The following UGGT2 variants were observed in gnomAD, a reference collection of about 807,000 sequenced individuals.
The protein encoded by UGGT2 is UDP-glucose glycoprotein glucosyltransferase 2, also known as UDP-glucose:glycoprotein glucosyltransferase 2.
Under a neutral mutation model 192.1 loss-of-function variants are expected in UGGT2, and 180 were observed. The observed-to-expected ratio is 0.94, with a 90% CI of 0.83 to 1.06. The LOEUF (loss-of-function observed/expected upper bound fraction) is 1.06. Among genes scored for constraint, UGGT2 ranks in the 50% least tolerant of loss-of-function variants. The pLI, the probability that UGGT2 is intolerant of heterozygous loss-of-function variation, is 0.00. For synonymous variants in UGGT2, 580 were observed against 591.0 expected, an observed-to-expected ratio of 0.98 and a Z score of 0.27; for missense variants, 1,849 against 1,795.7, an observed-to-expected ratio of 1.03 and a Z score of -0.54.
intron 5 of UGGT2, among the ~76,000 whole-genome samples, chr13:96,007,436 T>C (rs186600219): frequency 1.3e-5 from 2 of 152,232 alleles, no homozygotes; most frequent in Non-Finnish European, 2.9e-5. Flanking sequence ...AACATAATAC[T>C]AGAAGCCTTA....
chr13:95,873,160 T>A (rs930089409), intron 29 of UGGT2, among the ~76,000 whole-genome samples: 1 of 152,338 alleles, frequency 6.6e-6, no homozygotes, highest in Non-Finnish European at 1.5e-5. Context: ...GCAAAGCAGT[T>A]TGCACAAAAT....
chr13:95,818,586 T>C (rs984286041), intron 38 of UGGT2, among the ~76,000 whole-genome samples: 2 of 151,926 alleles, frequency 1.3e-5, no homozygotes, highest in African/African-American at 4.8e-5. Flanking sequence ...AAGGGAAAGG[T>C]GGTCTGACAG....
At chr13:95,938,014 T>C (rs2049523965) in intron 16 of UGGT2, among the ~76,000 whole-genome samples, 1 of 152,180 alleles carries the variant, frequency 6.6e-6, no homozygotes, top group African/African-American at 2.4e-5. Context: ...ATATGTCTCA[T>C]GAGATCTGCT....
At chr13:95,987,197 T>C (rs547020154) in intron 8 of UGGT2, among the ~76,000 whole-genome samples, 3 of 152,260 alleles carry the variant, frequency 2.0e-5, no homozygotes, top group Non-Finnish European at 2.9e-5. Flanking sequence ...CTGAGTCCCA[T>C]ATTCAGCCCC....
intron 36 of UGGT2, among the ~76,000 whole-genome samples, chr13:95,851,566 TAG>T (rs1889043882): frequency 6.6e-6 from 1 of 152,078 alleles, no homozygotes; most frequent in Admixed American, 6.5e-5. Flanking sequence ...TAGAAGCCAA[TAG>T]AGAGTCAAGA....
chr13:95,983,393 C>A, intron 10 of UGGT2: 1 of 277,510 alleles, frequency 3.6e-6, no homozygotes, highest in Non-Finnish European at 7.1e-6. Context: ...TTTAAGATAC[C>A]ATTTGGCAGA....
At chr13:95,831,056 C>G (rs1353727910) in intron 38 of UGGT2, among the ~76,000 whole-genome samples, 1 of 151,800 alleles carries the variant, frequency 6.6e-6, no homozygotes, top group Non-Finnish European at 1.5e-5. Context: ...CCTGTCCTCA[C>G]TCATAGGTGG....
At chr13:95,887,842 C>G (rs1448880758) in intron 26 of UGGT2, 50 bp downstream of exon 26, 1 of 1,145,098 alleles carries the variant, frequency 8.7e-7, no homozygotes, top group Non-Finnish European at 1.3e-6. Context: ...TTTTTTTCTT[C>G]TCAGCATTTA....
intron 20 of UGGT2, among the ~76,000 whole-genome samples, chr13:95,904,228 A>G (rs530898269): frequency 1.4e-3 from 215 of 152,146 alleles, no homozygotes; most frequent in African/African-American, 4.7e-3. Context: ...CCTGATGGCT[A>G]CTGTGTTTTG....
At chr13:95,944,416 G>A (rs1287065981) in intron 15 of UGGT2, among the ~76,000 whole-genome samples, 1 of 151,968 alleles carries the variant, frequency 6.6e-6, no homozygotes, top group Non-Finnish European at 1.5e-5. Flanking sequence ...ATTGAGAAGT[G>A]GGTATATGAA....
chr13:95,958,956 C>T (rs534172341), intron 12 of UGGT2, among the ~76,000 whole-genome samples: 1 of 152,326 alleles, frequency 6.6e-6, no homozygotes, highest in South Asian at 2.1e-4. Context: ...ACAGAGGGAG[C>T]TACCTGGAGA....
At chr13:95,810,024 C>T (rs1884502562) in intron 38 of UGGT2, among the ~76,000 whole-genome samples, 2 of 152,172 alleles carry the variant, frequency 1.3e-5, no homozygotes, top group Non-Finnish European at 1.5e-5. Context: ...GACAACTTCA[C>T]AAAATTTTCA....
At chr13:96,022,465 T>G (rs990364668) in intron 4 of UGGT2, among the ~76,000 whole-genome samples, 2 of 151,854 alleles carry the variant, frequency 1.3e-5, no homozygotes, top group Non-Finnish European at 2.9e-5. Flanking sequence ...AACAAGTGAG[T>G]TAAGTATTAA....
In UGGT2 at chr13:95,807,716, C is replaced by CTTTTTTTTTTTTTTTTTTTTTTTTTTT; in HGVS notation, c.4529-5905_4529-5904insAAAAAAAAAAAAAAAAAAAAAAAAAAA. Among the ~76,000 whole-genome samples, 6 of 78,706 alleles carry CTTTTTTTTTTTTTTTTTTTTTTTTTTT rather than the reference C, an allele frequency of 7.6e-5. 1 individual carries two copies. The highest frequency in any genetic ancestry group is 1.5e-4 in the Non-Finnish European group (6 of 39,058). 51.6% of individuals were successfully genotyped at this position (78,706 alleles called of 152,430 possible). On this transcript the variant is annotated intron_variant, in intron 38 of 38. Coordinates refer to ENST00000376747, the MANE Select transcript of UGGT2 (RefSeq NM_020121.4). ...GTATCTTGAAACCCTCAGCCCTCAC[C>CTTTTTTTTTTTTTTTTTTTTTTTTTTT]TTTTTTTTTTTTTTTTTTTGCCGTA...
intron 10 of UGGT2, among the ~76,000 whole-genome samples, chr13:95,978,442 A>G (rs190308868): frequency 3.9e-5 from 6 of 152,268 alleles, no homozygotes; most frequent in Admixed American, 3.9e-4. Flanking sequence ...TGACTGTTGA[A>G]TAATCTGAAA....
At chr13:96,004,621 G>A (rs979667653) in intron 5 of UGGT2, among the ~76,000 whole-genome samples, 10 of 151,650 alleles carry the variant, frequency 6.6e-5, no homozygotes, top group African/African-American at 2.2e-4. Context: ...ATGCTGGTGC[G>A]CTGCACCCAC....
rs2049626061 is a variant in UGGT2 at position 95,940,326 on chromosome 13, A to G, written c.1678-235T>C. Among the ~76,000 whole-genome samples, 3 of 151,928 alleles carry G rather than the reference A, an allele frequency of 2.0e-5. No individual in the cohort carries two copies. In the South Asian group the frequency reaches 6.2e-4, roughly 31 times the overall value. Reference sequence around the variant, plus strand: ...CAAATTTATGTTTTACTCTATTTTGATGAAACCAGACACCATTATTCTTAA... The same window carrying G: ...CAAATTTATGTTTTACTCTATTTTGGTGAAACCAGACACCATTATTCTTAA... On this transcript the variant is annotated intron_variant, in intron 15 of 38. Transcript: ENST00000376747.
chr13:95,939,815 C>A (rs941097153), intron 16 of UGGT2, 142 bp downstream of exon 16: 2 of 598,690 alleles, frequency 3.3e-6, no homozygotes, highest in Non-Finnish European at 2.7e-6. Context: ...CCCAATTCTG[C>A]CATCCCCAGC....
intron 5 of UGGT2, among the ~76,000 whole-genome samples, chr13:96,002,999 G>A (rs2051855929): frequency 6.6e-6 from 1 of 152,240 alleles, no homozygotes; most frequent in East Asian, 1.9e-4. Flanking sequence ...GGCAGAGCAG[G>A]CTTTCAGAGT....
Sources: gnomAD v4.1 joint callset for allele counts (sites outside exome capture counted in the v4.1 genomes callset) on GRCh38, gnomAD v4.1.1 for gene constraint, MANE v1.5 for transcripts, NCBI Gene and HGNC (gene_info 2026-07-23, HGNC 2026-07-21) for gene names.